The following UBTD1 variants were observed in gnomAD, a reference collection of about 807,000 sequenced individuals.
UBTD1 encodes ubiquitin domain containing 1, also known as ubiquitin domain-containing protein 1.
In UBTD1, 19 loss-of-function variants were observed where a neutral mutation model predicts 21.7. That is an observed-to-expected ratio of 0.87 (90% CI 0.61 to 1.28). The LOEUF (loss-of-function observed/expected upper bound fraction) is 1.28, where lower values mean the gene tolerates loss of function less well. Among genes scored for constraint, UBTD1 ranks in the 50% most tolerant of loss-of-function variants. UBTD1 has a pLI of 0.00. For missense variants in UBTD1, 282 were observed against 315.1 expected (o/e 0.89, Z 0.80); for synonymous variants, 116 against 135.1 (o/e 0.86, Z 0.98).
intron 1 of UBTD1, among the ~76,000 whole-genome samples, chr10:97,529,589 C>T (rs1345817757): frequency 3.9e-5 from 3 of 76,422 alleles, no homozygotes. Flanking sequence ...CAGCGAAACC[C>T]CGTCTCCACC....
intron 1 of UBTD1, among the ~76,000 whole-genome samples, chr10:97,533,641 T>C (rs2040544228): frequency 6.6e-6 from 1 of 152,072 alleles, no homozygotes; most frequent in African/African-American, 2.4e-5. Context: ...TCTTAAGCTC[T>C]GGGCTGGGTG....
chr10:97,519,585 A>G (rs186209821), intron 1 of UBTD1, among the ~76,000 whole-genome samples: 45 of 152,316 alleles, frequency 3.0e-4, no homozygotes, highest in Admixed American at 2.1e-3. Context: ...AGAATGAATC[A>G]CAGTCTCTGG....
At position 97,534,577 on chromosome 10, in the gene UBTD1, GCGCACACACA is replaced by G. The variant is rs1307289239; in HGVS notation, c.71-33335_71-33326del. ...GGCACTAAGGAACACACACGCGCGC[GCGCACACACA>G]CACACACACACACACACACACACAC... On this transcript the variant is annotated intron_variant, in intron 1 of 2. Transcript: ENST00000370664. Among the ~76,000 whole-genome samples, 12 of 88,418 alleles carry G rather than the reference GCGCACACACA, an allele frequency of 1.4e-4. No individual in the cohort carries two copies. In the South Asian group the frequency reaches 2.1e-3, roughly 16 times the overall value. The allele number at this position is 88,418 out of a possible 152,430, so 58.0% of individuals were successfully genotyped here.
At chr10:97,499,912 G>GC (rs1371119003) in intron 1 of UBTD1, among the ~76,000 whole-genome samples, 1 of 152,192 alleles carries the variant, frequency 6.6e-6, no homozygotes, top group African/African-American at 2.4e-5. Flanking sequence ...GAGATCGCTC[G>GC]CTGGTGATCC....
In UBTD1 at chr10:97,528,064, G is replaced by T. The variant is rs1458119135; in HGVS notation, c.70+28791G>T. On this transcript the variant is annotated intron_variant, in intron 1 of 2. Coordinates refer to ENST00000370664, the MANE Select transcript of UBTD1 (RefSeq NM_024954.5). ...CCTCACCTCCCGGACGGGGCGGCTGGCTGGGCGGGGGGCTGACTCCCCCAC... is the reference window on the plus strand; with the variant it reads ...CCTCACCTCCCGGACGGGGCGGCTGTCTGGGCGGGGGGCTGACTCCCCCAC... 8.5e-5 allele frequency among the ~76,000 whole-genome samples: 12 copies of T among 141,708 alleles called. No homozygotes were observed. The East Asian group carries it at 8.8e-4, about 10-fold the overall frequency. The allele number at this position is 141,708 out of a possible 152,430, so 93.0% of individuals were successfully genotyped here.
In UBTD1 at chr10:97,563,980, T is replaced by G. The variant is rs548348000; in HGVS notation, c.71-3934T>G. On this transcript the variant is annotated intron_variant, in intron 1 of 2. Coordinates refer to ENST00000370664, the MANE Select transcript of UBTD1 (RefSeq NM_024954.5). Reference sequence around the variant, plus strand: ...GAGGAAGAGGAGAGATCAGGCTGGCTGTCCGACGGACACAGCTTTATTCTG... The same window carrying G: ...GAGGAAGAGGAGAGATCAGGCTGGCGGTCCGACGGACACAGCTTTATTCTG... Among the ~76,000 whole-genome samples the G allele has an allele frequency of 1.2e-4, 18 of 152,302 alleles. 1 individual carries two copies. The South Asian group carries it at 3.7e-3, about 32-fold the overall frequency.
At chr10:97,565,816 G>A (rs1010833590) in intron 1 of UBTD1, among the ~76,000 whole-genome samples, 1 of 152,014 alleles carries the variant, frequency 6.6e-6, no homozygotes, top group Non-Finnish European at 1.5e-5. Context: ...GGGCTCAGGT[G>A]ATCCTCCCAC....
Position 97,568,095 on chromosome 10 carries a change from G to C in UBTD1, c.252G>C (p.Glu84Asp), listed in dbSNP as rs1192495418. Reference sequence around the variant, plus strand: ...ATGCTGCTGAAGCCAACGACCACGAGCTGGCCCAGGCCATCCTGGATGGAG... The same window carrying C: ...ATGCTGCTGAAGCCAACGACCACGACCTGGCCCAGGCCATCCTGGATGGAG... ...AAYAAEANDHELAQAILDGAS... is the reference protein window; with the variant it reads ...AAYAAEANDHDLAQAILDGAS... Residue 84 changes from glutamate to aspartate, a missense_variant, in exon 2 of 3, where the codon GAG (glutamate) becomes GAC (aspartate). Coordinates refer to ENST00000370664, the MANE Select transcript of UBTD1 (RefSeq NM_024954.5). 1 of 1,613,818 alleles carries C rather than the reference G, an allele frequency of 6.2e-7. No homozygotes were observed. The highest frequency in any genetic ancestry group is 8.5e-7 in the Non-Finnish European group (1 of 1,180,040).
chr10:97,500,416 G>C (rs2040365363), intron 1 of UBTD1, among the ~76,000 whole-genome samples: 1 of 152,226 alleles, frequency 6.6e-6, no homozygotes, highest in African/African-American at 2.4e-5. Context: ...AGGATGACTT[G>C]TGGAGGCAGA....
chr10:97,499,388 G>C (rs2135643691), intron 1 of UBTD1, 115 bp downstream of exon 1: 1 of 1,300,656 alleles, frequency 7.7e-7, no homozygotes, highest in Non-Finnish European at 1.0e-6. Flanking sequence ...GGGTTTCCCC[G>C]ATGGGCTGCT....
chr10:97,504,310 C>G (rs1250491910), intron 1 of UBTD1, among the ~76,000 whole-genome samples: 1 of 87,416 alleles, frequency 1.1e-5, no homozygotes, highest in South Asian at 3.9e-4. Flanking sequence ...TTCATTACTC[C>G]TTTGCTCAAG....
intron 1 of UBTD1, among the ~76,000 whole-genome samples, chr10:97,504,743 T>G (rs529217852): frequency 1.6e-3 from 244 of 152,328 alleles, no homozygotes; most frequent in Middle Eastern, 3.4e-3. Flanking sequence ...AAAGCATAAG[T>G]GAACACGTCT....
intron 1 of UBTD1, among the ~76,000 whole-genome samples, chr10:97,540,314 C>T (rs1277122490): frequency 6.6e-6 from 1 of 152,206 alleles, no homozygotes; most frequent in Non-Finnish European, 1.5e-5. Flanking sequence ...CATCTTAGAA[C>T]TGCTTCCTGA....
chr10:97,569,070 G>C (rs569380748), intron 2 of UBTD1, among the ~76,000 whole-genome samples: 1 of 152,338 alleles, frequency 6.6e-6, no homozygotes, highest in Admixed American at 6.5e-5. Context: ...TGATCCGCCC[G>C]CCTTGGCCTC....
At chr10:97,569,980 G>T (rs2135691128) in intron 2 of UBTD1, among the ~76,000 whole-genome samples, 158 bp from the exon 3 acceptor site, 1 of 151,956 alleles carries the variant, frequency 6.6e-6, no homozygotes. Flanking sequence ...CCCACGCTAT[G>T]ACCTCATTTA....
At chr10:97,538,048 A>G (rs1439946126) in intron 1 of UBTD1, among the ~76,000 whole-genome samples, 1 of 151,138 alleles carries the variant, frequency 6.6e-6, no homozygotes, top group Non-Finnish European at 1.5e-5. Flanking sequence ...CTGGTCTTGA[A>G]CTCCTGGCCT....
chr10:97,552,289 G>A (rs995376634), intron 1 of UBTD1, among the ~76,000 whole-genome samples: 1 of 151,680 alleles, frequency 6.6e-6, no homozygotes, highest in Non-Finnish European at 1.5e-5. Context: ...TGGGAGCATC[G>A]CTTGAGCCCA....
intron 1 of UBTD1, among the ~76,000 whole-genome samples, chr10:97,553,353 A>T (rs1485302310): frequency 1.3e-5 from 2 of 151,772 alleles, no homozygotes; most frequent in South Asian, 4.2e-4. Flanking sequence ...GCTTTCTCGA[A>T]CTCCTGACCT....
chr10:97,570,756 C>T lies in UBTD1; in HGVS notation c.*233C>T, dbSNP rs2040744649. Reference sequence around the variant, plus strand: ...CTTGTCAGAGAAAAGGCGAACAGGGCCCTCACCCTGCCTGTCTCCCGAAGC... The same window carrying T: ...CTTGTCAGAGAAAAGGCGAACAGGGTCCTCACCCTGCCTGTCTCCCGAAGC... On this transcript the variant is annotated 3_prime_UTR_variant, in exon 3 of 3. Transcript: ENST00000370664. The surrounding 1 kb of genome is among the most constrained non-coding windows in gnomAD (Gnocchi z 6.6). 7.4e-6 allele frequency: 4 copies of T among 537,302 alleles called. No individual in the cohort carries two copies. Among genetic ancestry groups the T allele is most frequent in the Admixed American group, 3.2e-5 (1 of 31,238 alleles). The allele number at this position is 537,302 out of a possible 1,614,324, so 33.3% of individuals were successfully genotyped here. A position where few individuals can be genotyped will look rare whatever the true frequency, so the allele number is the denominator to read the frequency against.
Sources: allele counts gnomAD v4.1 joint callset (sites outside exome capture counted in the v4.1 genomes callset), GRCh38; gene constraint gnomAD v4.1.1; non-coding constraint Gnocchi (gnomAD v3.1); transcripts MANE v1.5; gene names NCBI Gene and HGNC (gene_info 2026-07-23, HGNC 2026-07-21).